Variants in TMEM183A observed in about 807,000 individuals in gnomAD.
The protein encoded by TMEM183A is transmembrane protein 183A, also known as chromosome 1 open reading frame 37.
A neutral mutation model predicts 46.7 loss-of-function variants in TMEM183A; 21 were observed. That is an observed-to-expected ratio of 0.45 (90% confidence interval 0.32 to 0.65). The LOEUF is 0.65. TMEM183A is among the 30% of genes least tolerant of loss of function. TMEM183A has a pLI of 0.04. For missense variants in TMEM183A, 331 were observed against 481.9 expected (o/e 0.69, Z 2.93); for synonymous variants, 165 against 180.2 (o/e 0.92, Z 0.68).
In TMEM183A at chr1:203,007,395, C is replaced by T. The variant is rs1656026018; in HGVS notation, c.-71C>T. On this transcript the variant is annotated 5_prime_UTR_variant, in exon 1 of 8. Coordinates refer to ENST00000367242, the MANE Select transcript of TMEM183A (RefSeq NM_138391.6). ...TGTTCTCGCGAGAGTTAGCGGCCTC[C>T]GGTGTGGGATGGCCGCGGAGCCGGG... 7.7e-7 allele frequency: 1 copy of T among 1,304,026 alleles called. No individual in the cohort carries two copies. Among genetic ancestry groups the T allele is most frequent in the Non-Finnish European group, 9.8e-7 (1 of 1,021,000 alleles). 80.8% of individuals were successfully genotyped at this position (1,304,026 alleles called of 1,614,324 possible).
chr1:203,014,177 G>A (rs1656944786), intron 3 of TMEM183A, among the ~76,000 whole-genome samples: 1 of 152,246 alleles, frequency 6.6e-6, no homozygotes, highest in Admixed American at 6.5e-5. Flanking sequence ...GAAACTCTTG[G>A]TTCTATTTCC....
intron 2 of TMEM183A, 27 bp from the exon 3 acceptor site, chr1:203,008,616 T>C: frequency 6.7e-7 from 1 of 1,487,722 alleles, no homozygotes; most frequent in Non-Finnish European, 9.0e-7. Context: ...CTGTGTGCCA[T>C]CTCATTCTCC....
Position 203,007,510 on chromosome 1 carries a change from G to C in TMEM183A, c.45G>C (p.Thr15=). The part of the protein sequence containing the change: ...PGPLGRPRPD[T]VAMPKRGKRL... ...CGCTAGGCAGGCCTCGCCCCGATAC[G>C]GTCGCCATGCCCAAGAGAGGAAAGC... The change falls in exon 1 of 8, where the codon ACG becomes ACC. Residue 15 remains threonine (T), a synonymous_variant. Coordinates refer to ENST00000367242, the MANE Select transcript of TMEM183A (RefSeq NM_138391.6). The C allele has an allele frequency of 1.3e-6, 2 of 1,530,234 alleles. No individual in the cohort carries two copies. Among genetic ancestry groups the C allele is most frequent in the Non-Finnish European group, 1.8e-6 (2 of 1,142,338 alleles). The allele number at this position is 1,530,234 out of a possible 1,614,324, so 94.8% of individuals were successfully genotyped here. A position where few individuals can be genotyped will look rare whatever the true frequency, so the allele number is the denominator to read the frequency against.
chr1:203,016,172 A>T (rs1657153153), intron 5 of TMEM183A, 32 bp downstream of exon 5: 7 of 1,613,538 alleles, frequency 4.3e-6, no homozygotes, highest in Non-Finnish European at 5.9e-6. Context: ...GGTTTGACTA[A>T]TGAACTCTTG....
At chr1:203,014,781 T>C in intron 3 of TMEM183A, 108 bp from the exon 4 acceptor site, 1 of 1,469,752 alleles carries the variant, frequency 6.8e-7, no homozygotes, top group Non-Finnish European at 9.1e-7. Flanking sequence ...TTGGACCTAT[T>C]TAAAACCATT....
At chr1:203,009,681 A>C (rs782789) in intron 3 of TMEM183A, among the ~76,000 whole-genome samples, 60,268 of 151,906 alleles carry the variant, frequency 0.4, 12,384 homozygotes, top group African/African-American at 0.47. Flanking sequence ...CAGGGGTCTC[A>C]CTATGTTGCC....
intron 3 of TMEM183A, among the ~76,000 whole-genome samples, chr1:203,012,151 C>CACACACACAA (rs1313159617): frequency 1.1e-5 from 1 of 89,878 alleles, no homozygotes; most frequent in East Asian, 2.4e-4. Context: ...CACTCCATCA[C>CACACACACAA]ACACACACAC....
intron 3 of TMEM183A, among the ~76,000 whole-genome samples, chr1:203,012,034 TC>T (rs1363239161): frequency 6.6e-6 from 1 of 152,014 alleles, no homozygotes; most frequent in Non-Finnish European, 1.5e-5. Context: ...TCAACAATGA[TC>T]AACTCATGGC....
At chr1:203,007,970 G>C (rs1213864362) in intron 2 of TMEM183A, 107 bp downstream of exon 2, 18 of 1,400,294 alleles carry the variant, frequency 1.3e-5, no homozygotes, top group Non-Finnish European at 1.7e-5. Flanking sequence ...AACCGTGTTT[G>C]CTTTCGTTAG....
intron 5 of TMEM183A, 166 bp downstream of exon 5, chr1:203,016,306 C>T: frequency 1.1e-6 from 1 of 931,008 alleles, no homozygotes; most frequent in South Asian, 1.6e-5. Context: ...CAAGACCTTT[C>T]TGCTGTGCTG....
intron 7 of TMEM183A, among the ~76,000 whole-genome samples, chr1:203,022,074 T>C (rs889807546): frequency 2.6e-5 from 4 of 152,164 alleles, no homozygotes; most frequent in Admixed American, 2.6e-4. Context: ...CAGTTTTGTT[T>C]TGTTTTTTTT....
At chr1:203,010,942 C>T (rs748858653) in intron 3 of TMEM183A, among the ~76,000 whole-genome samples, 1 of 152,198 alleles carries the variant, frequency 6.6e-6, no homozygotes, top group Non-Finnish European at 1.5e-5. Flanking sequence ...TAAATGGAAT[C>T]ATACAATATA....
chr1:203,018,576 C>A lies in TMEM183A; in HGVS notation c.789+15C>A. On this transcript the variant is annotated intron_variant, in intron 6 of 7. Coordinates refer to ENST00000367242, the MANE Select transcript of TMEM183A (RefSeq NM_138391.6). Reference sequence around the variant, plus strand: ...TCAAAAAACAGGTACGTGGTCTTCTCTTTGTTTTTCAGATAATACCTTGTT... The same window carrying A: ...TCAAAAAACAGGTACGTGGTCTTCTATTTGTTTTTCAGATAATACCTTGTT... 1.2e-6 allele frequency: 2 copies of A among 1,611,432 alleles called. No individual in the cohort carries two copies. The highest frequency in any genetic ancestry group is 1.7e-6 in the Non-Finnish European group (2 of 1,178,902).
intron 6 of TMEM183A, 106 bp from the exon 7 acceptor site, chr1:203,020,687 G>C: frequency 7.3e-7 from 1 of 1,364,714 alleles, no homozygotes; most frequent in Non-Finnish European, 1.0e-6. Flanking sequence ...GAAGATAAAA[G>C]TGTATCTCAC....
intron 7 of TMEM183A, 32 bp downstream of exon 7, chr1:203,020,980 TCC>T (rs1657617709): frequency 1.7e-6 from 2 of 1,162,440 alleles, no homozygotes; most frequent in Non-Finnish European, 2.3e-6. Context: ...CATTCTCAGC[TCC>T]TTTTTTTTTT....
chr1:203,021,856 C>G (rs1657717253), intron 7 of TMEM183A, among the ~76,000 whole-genome samples: 1 of 152,128 alleles, frequency 6.6e-6, no homozygotes, highest in African/African-American at 2.4e-5. Flanking sequence ...CATGAGGTTC[C>G]CCTTCCACAA....
chr1:203,007,901 A>G (rs1181296631), intron 2 of TMEM183A, 38 bp downstream of exon 2: 1 of 1,612,022 alleles, frequency 6.2e-7, no homozygotes, highest in African/African-American at 1.3e-5. Context: ...TCATGCCGCG[A>G]AGACAGAACT....
rs1657934224 is a variant in TMEM183A, at chr1:203,023,716, G to A, written c.*676G>A. Reference sequence around the variant, plus strand: ...TTACATAGTATCTCTACTTCTCACAGTCTTGCAAAGTAGGTGATATTATTC... The same window carrying A: ...TTACATAGTATCTCTACTTCTCACAATCTTGCAAAGTAGGTGATATTATTC... On this transcript the variant is annotated 3_prime_UTR_variant, in exon 8 of 8. Transcript: ENST00000367242. 1 of 152,520 alleles carries A rather than the reference G, an allele frequency of 6.6e-6. No homozygotes were observed. The allele number at this position is 152,520 out of a possible 1,614,324, so 9.4% of individuals were successfully genotyped here.
intron 5 of TMEM183A, chr1:203,017,976 A>G: frequency 2.0e-6 from 2 of 982,226 alleles, no homozygotes; most frequent in Non-Finnish European, 2.4e-6. Flanking sequence ...TGAGGGGCTT[A>G]TTCTAGACAG....
Sources: gnomAD v4.1 joint callset for allele counts (sites outside exome capture counted in the v4.1 genomes callset) on GRCh38, gnomAD v4.1.1 for gene constraint, MANE v1.5 for transcripts, NCBI Gene and HGNC (gene_info 2026-07-23, HGNC 2026-07-21) for gene names.